FMN1: variants seen among roughly 807,000 people sequenced by gnomAD.
FMN1 encodes formin 1, also known as formin-1.
Under a neutral mutation model 132.4 loss-of-function variants are expected in FMN1, and 110 were observed. The ratio of observed to expected loss-of-function variants is 0.83; its 90% CI spans 0.71 to 0.97. The LOEUF (loss-of-function observed/expected upper bound fraction) is 0.97, where lower values mean the gene tolerates loss of function less well. Among genes scored for constraint, FMN1 ranks in the 50% least tolerant of loss-of-function variants. The pLI, the probability that FMN1 is intolerant of heterozygous loss-of-function variation, is 0.00. For missense variants in FMN1, 1,792 were observed against 1,705.3 expected (o/e 1.05, Z -0.90); for synonymous variants, 722 against 651.7 (o/e 1.11, Z -1.64).
At chr15:32,979,531 G>A (rs1411379436) in intron 7 of FMN1, among the ~76,000 whole-genome samples, 1 of 137,418 alleles carries the variant, frequency 7.3e-6, no homozygotes, top group African/African-American at 2.8e-5. Context: ...ACTGCAGCCT[G>A]CGCAACAGAG....
chr15:32,888,357 A>C (rs1278789540), intron 15 of FMN1, 65 bp from the exon 16 acceptor site: 1 of 1,439,532 alleles, frequency 6.9e-7, no homozygotes, highest in East Asian at 2.3e-5. Context: ...TGAAATTCCA[A>C]AGCATCAATG....
chr15:33,014,542 A>G (rs1203805055), intron 6 of FMN1, among the ~76,000 whole-genome samples: 2 of 152,232 alleles, frequency 1.3e-5, no homozygotes, highest in Non-Finnish European at 2.9e-5. Flanking sequence ...ATTCCACAAG[A>G]AACAAGTCTA....
chr15:32,959,043 C>CAAAA (rs36081835), intron 9 of FMN1, among the ~76,000 whole-genome samples: 2 of 84,332 alleles, frequency 2.4e-5, no homozygotes, highest in African/African-American at 3.6e-5. Flanking sequence ...AACACTGTCT[C>CAAAA]AAAAAAAAAA....
rs148331737 is a variant in FMN1, at chr15:33,153,798, G to C, written c.1117C>G (p.Leu373Val). 13,185 of 1,536,382 alleles carry C rather than the reference G, an allele frequency of 8.6e-3. 57 individuals carry two copies. The highest frequency in any genetic ancestry group is 0.01 in the Non-Finnish European group (11,853 of 1,146,982). ...TGAGCCCCAGCCTCAGCTCCCGGGAGGGTGAGCAAGTCGGCTTTGGGTACA... is the reference window on the plus strand; with the variant it reads ...TGAGCCCCAGCCTCAGCTCCCGGGACGGTGAGCAAGTCGGCTTTGGGTACA... ...EFVPKADLLT[L>V]PGAEAGAHGS... is the part of the protein sequence containing the mutation. The change falls in exon 4 of 21, where the codon CTC (leucine) becomes GTC (valine). Residue 373 changes from leucine (L) to valine (V), a missense_variant. Physicochemically the swap from Leu to Val is conservative, Grantham distance 32. Coordinates refer to ENST00000616417, the MANE Select transcript of FMN1 (RefSeq NM_001277313.2).
At chr15:32,781,689 G>C (rs1047080245) in intron 19 of FMN1, among the ~76,000 whole-genome samples, 1 of 152,148 alleles carries the variant, frequency 6.6e-6, no homozygotes, top group Non-Finnish European at 1.5e-5. Context: ...TTCAGACCCA[G>C]ATCTGTTGTT....
intron 6 of FMN1, among the ~76,000 whole-genome samples, chr15:33,047,353 G>A (rs1363425836): frequency 6.6e-6 from 1 of 152,192 alleles, no homozygotes; most frequent in Non-Finnish European, 1.5e-5. Context: ...CACCTGTGAG[G>A]TTACTTTTGG....
intron 5 of FMN1, among the ~76,000 whole-genome samples, chr15:33,081,356 A>T (rs2038450770): frequency 6.6e-6 from 1 of 152,216 alleles, no homozygotes; most frequent in African/African-American, 2.4e-5. Context: ...GGTACGTGTG[A>T]TATTTTGATA....
At position 32,774,164 on chromosome 15, in the gene FMN1, T is replaced by A; in HGVS notation, c.*146A>T. 5.9e-6 allele frequency: 4 copies of A among 678,032 alleles called. No individual in the cohort carries two copies. Among genetic ancestry groups the A allele is most frequent in the Non-Finnish European group, 1.0e-5 (4 of 384,974 alleles). 42.0% of individuals were successfully genotyped at this position (678,032 alleles called of 1,614,324 possible). A position where few individuals can be genotyped will look rare whatever the true frequency, so the allele number is the denominator to read the frequency against. On this transcript the variant is annotated 3_prime_UTR_variant, in exon 21 of 21. Transcript: ENST00000616417. ...ACTTCTTAAAGAAGGCATGGGGCAC[T>A]CTCTGCAGATGACCTCAGAAAGAGA...
chr15:33,159,542 A>G (rs138679436), intron 3 of FMN1, among the ~76,000 whole-genome samples: 4 of 152,312 alleles, frequency 2.6e-5, no homozygotes, highest in Non-Finnish European at 5.9e-5. Context: ...AGTGCACTCT[A>G]TCCTAGCTCT....
intron 6 of FMN1, among the ~76,000 whole-genome samples, chr15:33,054,519 T>C (rs1376447284): frequency 1.3e-5 from 2 of 152,246 alleles, no homozygotes; most frequent in African/African-American, 2.4e-5. Context: ...AAGAAAGGCA[T>C]GATCTTAACA....
At chr15:32,859,597 A>T (rs2059216184) in intron 16 of FMN1, among the ~76,000 whole-genome samples, 1 of 152,168 alleles carries the variant, frequency 6.6e-6, no homozygotes, top group African/African-American at 2.4e-5. Flanking sequence ...AAACATATCT[A>T]TCACCGTCTG....
intron 17 of FMN1, among the ~76,000 whole-genome samples, chr15:32,831,598 G>A (rs536656334): frequency 6.6e-6 from 1 of 152,232 alleles, no homozygotes; most frequent in Admixed American, 6.5e-5. Flanking sequence ...TAGGTCCAGG[G>A]AGGCAATCAT....
intron 4 of FMN1, among the ~76,000 whole-genome samples, chr15:33,092,832 AGT>A (rs2038951141): frequency 6.6e-6 from 1 of 152,202 alleles, no homozygotes; most frequent in Non-Finnish European, 1.5e-5. Flanking sequence ...TAAACACAAC[AGT>A]GTTTTTGTTT....
intron 9 of FMN1, among the ~76,000 whole-genome samples, chr15:32,959,043 C>CAAA (rs36081835): frequency 1.7e-4 from 14 of 84,328 alleles, no homozygotes; most frequent in Admixed American, 4.4e-4. Flanking sequence ...AACACTGTCT[C>CAAA]AAAAAAAAAA....
chr15:33,180,655 A>C (rs1457414697), intron 2 of FMN1, among the ~76,000 whole-genome samples: 2 of 151,876 alleles, frequency 1.3e-5, no homozygotes, highest in African/African-American at 4.8e-5. Flanking sequence ...TTCACACTGC[A>C]ATGAGAACAA....
intron 15 of FMN1, among the ~76,000 whole-genome samples, chr15:32,891,730 A>G (rs1362229758): frequency 1.3e-5 from 2 of 152,178 alleles, no homozygotes; most frequent in East Asian, 1.9e-4. Context: ...TCTTTCAGCA[A>G]TATTTTGTAG....
chr15:32,852,219 T>C (rs2059024986), intron 17 of FMN1, among the ~76,000 whole-genome samples: 1 of 152,174 alleles, frequency 6.6e-6, no homozygotes, highest in Non-Finnish European at 1.5e-5. Context: ...ATCTCAAATC[T>C]AGTCTTATCA....
Position 32,783,744 on chromosome 15 carries a change from C to CAAAAA in FMN1, c.4131-6830_4131-6826dup, listed in dbSNP as rs533699379. ...TGGGCGACAGAGCGAGACTCTGTTT[C>CAAAAA]AAAAAAAAAAAAAAAAAAAAAAAAA... is the stretch of plus-strand genomic sequence containing the variant. On this transcript the variant is annotated intron_variant, in intron 19 of 20. Coordinates refer to ENST00000616417, the MANE Select transcript of FMN1 (RefSeq NM_001277313.2). Among the ~76,000 whole-genome samples the CAAAAA allele has an allele frequency of 4.7e-4, 30 of 64,250 alleles. 12 individuals are homozygous for CAAAAA. The highest frequency in any genetic ancestry group is 3.8e-3 in the East Asian group (7 of 1,858). The allele number at this position is 64,250 out of a possible 152,430, so 42.2% of individuals were successfully genotyped here.
chr15:32,774,860 TG>T (rs2056364455), intron 20 of FMN1, among the ~76,000 whole-genome samples: 1 of 152,202 alleles, frequency 6.6e-6, no homozygotes, highest in South Asian at 2.1e-4. Context: ...CGATTTGCCA[TG>T]GATGTTATGC....
Sources: gnomAD v4.1 joint callset for allele counts (sites outside exome capture counted in the v4.1 genomes callset) on GRCh38, gnomAD v4.1.1 for gene constraint, MANE v1.5 for transcripts, NCBI Gene and HGNC (gene_info 2026-07-23, HGNC 2026-07-21) for gene names.